The following GRIK4 variants were observed in gnomAD, a reference collection of about 807,000 sequenced individuals.
GRIK4 encodes glutamate receptor ionotropic, kainate 4.
A neutral mutation model predicts 104.9 loss-of-function variants in GRIK4; 40 were observed. The observed-to-expected ratio is 0.38, with a 90% CI of 0.30 to 0.50. GRIK4 has a LOEUF of 0.50. Among genes scored for constraint, GRIK4 ranks in the 20% least tolerant of loss-of-function variants. GRIK4 has a pLI of 0.93. For synonymous variants in GRIK4, 485 were observed against 524.9 expected, an observed-to-expected ratio of 0.92 and a Z score of 1.04; for missense variants, 1,047 against 1,308.1, an observed-to-expected ratio of 0.80 and a Z score of 3.08.
At position 120,637,901 on chromosome 11, in the gene GRIK4, A is replaced by T. The variant is rs537069846; in HGVS notation, c.-158-15784A>T. On this transcript the variant is annotated intron_variant, in intron 1 of 20. Transcript: ENST00000527524. ...GTTTATTATTATTATTATTATTGAG[A>T]GGGAGTCTCGCTCTGTCATCCAGGC... 1.8e-4 allele frequency among the ~76,000 whole-genome samples: 28 copies of T among 152,028 alleles called. 2 individuals carry two copies. In the South Asian group the frequency reaches 5.6e-3, roughly 31 times the overall value.
intron 1 of GRIK4, among the ~76,000 whole-genome samples, chr11:120,551,601 C>T (rs1948140785): frequency 6.6e-6 from 1 of 151,898 alleles, no homozygotes; most frequent in Non-Finnish European, 1.5e-5. Flanking sequence ...GCCAATGTGG[C>T]GAAACCCTGT....
chr11:120,525,055 G>A (rs2070725575), intron 1 of GRIK4, among the ~76,000 whole-genome samples: 1 of 152,136 alleles, frequency 6.6e-6, no homozygotes, highest in Non-Finnish European at 1.5e-5. Flanking sequence ...CCTTCTCAGT[G>A]GATCCATGAT....
intron 15 of GRIK4, among the ~76,000 whole-genome samples, chr11:120,954,931 G>A (rs1344103388): frequency 6.6e-6 from 1 of 152,078 alleles, no homozygotes; most frequent in East Asian, 1.9e-4. Flanking sequence ...AGCCTTTGGG[G>A]GTGGAATGAC....
At chr11:120,514,635 T>C (rs1440382531) in intron 1 of GRIK4, among the ~76,000 whole-genome samples, 1 of 152,100 alleles carries the variant, frequency 6.6e-6, no homozygotes, top group Non-Finnish European at 1.5e-5. Flanking sequence ...TCCTCAGCCT[T>C]AGACTGGCTG....
intron 13 of GRIK4, among the ~76,000 whole-genome samples, chr11:120,906,375 G>C (rs1022168718): frequency 2.0e-5 from 3 of 152,198 alleles, no homozygotes; most frequent in African/African-American, 7.2e-5. Context: ...AGCTCCTGCA[G>C]CCTCCCAGCA....
intron 1 of GRIK4, among the ~76,000 whole-genome samples, chr11:120,579,535 A>T (rs1411252805): frequency 6.6e-6 from 1 of 152,198 alleles, no homozygotes; most frequent in Non-Finnish European, 1.5e-5. Context: ...CTAAAATAAG[A>T]TCACTTTGGA....
At chr11:120,900,053 A>G (rs879437303) in intron 12 of GRIK4, among the ~76,000 whole-genome samples, 1 of 152,246 alleles carries the variant, frequency 6.6e-6, no homozygotes, top group Non-Finnish European at 1.5e-5. Flanking sequence ...AAAGCTGGAA[A>G]GAGACACACA....
intron 3 of GRIK4, among the ~76,000 whole-genome samples, chr11:120,710,609 A>C (rs539973201): frequency 6.6e-6 from 1 of 152,148 alleles, no homozygotes; most frequent in East Asian, 1.9e-4. Context: ...CACAGATTGG[A>C]ATGCGCCCTG....
intron 1 of GRIK4, among the ~76,000 whole-genome samples, chr11:120,570,569 A>C (rs1030833355): frequency 6.6e-6 from 1 of 152,046 alleles, no homozygotes; most frequent in African/African-American, 2.4e-5. Context: ...TCATCACCCC[A>C]CCTCAGCCTC....
At chr11:120,543,289 A>G (rs1424798204) in intron 1 of GRIK4, among the ~76,000 whole-genome samples, 1 of 152,108 alleles carries the variant, frequency 6.6e-6, no homozygotes, top group East Asian at 1.9e-4. Context: ...AAAAACAAAA[A>G]AACTAGGCCT....
At chr11:120,974,540 C>A (rs900734217) in intron 19 of GRIK4, among the ~76,000 whole-genome samples, 1 of 152,176 alleles carries the variant, frequency 6.6e-6, no homozygotes, top group African/African-American at 2.4e-5. Context: ...TATTAAAATT[C>A]GAGAAATTTC....
intron 4 of GRIK4, among the ~76,000 whole-genome samples, chr11:120,803,261 G>A (rs878907251): frequency 6.6e-6 from 1 of 152,190 alleles, no homozygotes; most frequent in Admixed American, 6.5e-5. Flanking sequence ...TAAGGGCGCT[G>A]TTGTGGGAGA....
At chr11:120,947,368 C>G (rs111589451) in intron 14 of GRIK4, among the ~76,000 whole-genome samples, 244 of 149,436 alleles carry the variant, frequency 1.6e-3, no homozygotes, top group African/African-American at 5.4e-3. Context: ...CAACATTGCA[C>G]TCTAGCCTGG....
intron 16 of GRIK4, among the ~76,000 whole-genome samples, chr11:120,957,567 G>T (rs1204223480): frequency 1.6e-5 from 2 of 127,106 alleles, no homozygotes; most frequent in Non-Finnish European, 3.3e-5. Context: ...AGACCATTAT[G>T]GGGGCAAAGG....
chr11:120,606,646 T>G (rs1948966914), intron 1 of GRIK4, among the ~76,000 whole-genome samples: 3 of 152,342 alleles, frequency 2.0e-5, no homozygotes, highest in African/African-American at 7.2e-5. Context: ...AAAGCTGTTG[T>G]GCATGAGAGT....
rs1948892535 is a variant in GRIK4 at position 120,601,889 on chromosome 11, G to A, written c.-158-51796G>A. Reference sequence around the variant, plus strand: ...CATGAAGGATAAAGAAGCTGGGTGAGCTTCTTATATAGTTTTCTGGTACAG... The same window carrying A: ...CATGAAGGATAAAGAAGCTGGGTGAACTTCTTATATAGTTTTCTGGTACAG... On this transcript the variant is annotated intron_variant, in intron 1 of 20. Coordinates refer to ENST00000527524, the MANE Select transcript of GRIK4 (RefSeq NM_014619.5). Among the ~76,000 whole-genome samples the A allele has an allele frequency of 2.6e-5, 4 of 152,202 alleles. No individual in the cohort carries two copies. The South Asian group carries it at 8.3e-4, about 32-fold the overall frequency.
chr11:120,659,093 T>C (rs1054637195), intron 2 of GRIK4, among the ~76,000 whole-genome samples: 1 of 152,118 alleles, frequency 6.6e-6, no homozygotes, highest in African/African-American at 2.4e-5. Context: ...GGGATTAGCA[T>C]ATCCAGGTGC....
At chr11:120,756,266 C>T (rs1046958898) in intron 3 of GRIK4, among the ~76,000 whole-genome samples, 2 of 152,182 alleles carry the variant, frequency 1.3e-5, no homozygotes, top group African/African-American at 4.8e-5. Flanking sequence ...CTATGCTCCT[C>T]CCCCTCCAGC....
chr11:120,602,801 C>T (rs1015913730), intron 1 of GRIK4, among the ~76,000 whole-genome samples: 3 of 152,178 alleles, frequency 2.0e-5, no homozygotes, highest in Non-Finnish European at 2.9e-5. Context: ...CTCCTGGGCT[C>T]AGGCAATCCT....
Sources: allele counts gnomAD v4.1 joint callset (sites outside exome capture counted in the v4.1 genomes callset), GRCh38; gene constraint gnomAD v4.1.1; transcripts MANE v1.5; gene names NCBI Gene and HGNC (gene_info 2026-07-23, HGNC 2026-07-21).